The following EPC2 variants were observed in gnomAD, a reference collection of about 807,000 sequenced individuals.
The protein encoded by EPC2 is enhancer of polycomb 2, also known as enhancer of polycomb homolog 2.
Under a neutral mutation model 92.1 loss-of-function variants are expected in EPC2, and 14 were observed. The observed-to-expected ratio is 0.15, with a 90% CI of 0.10 to 0.24. EPC2 has a LOEUF of 0.24. Among genes scored for constraint, EPC2 ranks in the 10% least tolerant of loss-of-function variants. EPC2 has a pLI of 1.00. For missense variants in EPC2, 755 were observed against 971.5 expected (o/e 0.78, Z 2.96); for synonymous variants, 340 against 334.7 (o/e 1.02, Z -0.17).
At chr2:148,663,192 T>TATTA (rs1184254996) in intron 1 of EPC2, among the ~76,000 whole-genome samples, 3 of 129,810 alleles carry the variant, frequency 2.3e-5, no homozygotes, top group Non-Finnish European at 4.8e-5. Flanking sequence ...TACTGTGTTT[T>TATTA]TGTATTATTA....
chr2:148,671,420 C>G (rs1057243814), intron 1 of EPC2, among the ~76,000 whole-genome samples: 3 of 151,324 alleles, frequency 2.0e-5, no homozygotes, highest in Non-Finnish European at 4.4e-5. Context: ...TTGAGACTGG[C>G]CTGGCCAACA....
chr2:148,755,552 T>A (rs72864214), intron 4 of EPC2, among the ~76,000 whole-genome samples: 3 of 152,192 alleles, frequency 2.0e-5, no homozygotes, highest in African/African-American at 7.2e-5. Flanking sequence ...ACTGTACTTT[T>A]ACTGTACCTT....
chr2:148,701,000 A>G (rs2105377338), intron 2 of EPC2, among the ~76,000 whole-genome samples: 1 of 152,232 alleles, frequency 6.6e-6, no homozygotes, highest in Non-Finnish European at 1.5e-5. Flanking sequence ...TTAGATTGAT[A>G]CTTAAGTGTC....
At chr2:148,645,612 CTG>C (rs1375680167) in intron 1 of EPC2, 5 of 158,868 alleles carry the variant, frequency 3.1e-5, no homozygotes, top group African/African-American at 1.2e-4. Context: ...TTTGAAATGA[CTG>C]TGGAAGGGTG....
Position 148,771,127 on chromosome 2 carries a change from C to G in EPC2, c.1460C>G (p.Ser487Cys). ...DPEMLNSFSS[S>C]SQTIDFSSNF... ...GAAATGCTGAATAGTTTTTCAAGCT[C>G]TTCCCAAACTATAGACTTTTCTTCT... The change falls in exon 10 of 14, where the codon TCT becomes TGT. Residue 487 changes from serine to cysteine, a missense_variant. Transcript: ENST00000258484. 6.2e-7 allele frequency: 1 copy of G among 1,613,852 alleles called. No individual in the cohort carries two copies. Among genetic ancestry groups the G allele is most frequent in the Non-Finnish European group, 8.5e-7 (1 of 1,179,808 alleles).
At chr2:148,770,203 C>CTAATTTTTG (rs1279106619) in intron 8 of EPC2, among the ~76,000 whole-genome samples, 1 of 152,118 alleles carries the variant, frequency 6.6e-6, no homozygotes, top group African/African-American at 2.4e-5. Context: ...CTACATGCTG[C>CTAATTTTTG]TAATTTTTGT....
intron 2 of EPC2, among the ~76,000 whole-genome samples, chr2:148,723,026 G>A (rs1252102220): frequency 6.6e-6 from 1 of 152,100 alleles, no homozygotes; most frequent in Non-Finnish European, 1.5e-5. Flanking sequence ...CCTCCTTCAG[G>A]GTGGAGGATG....
At chr2:148,647,136 G>A (rs1229187652) in intron 1 of EPC2, among the ~76,000 whole-genome samples, 2 of 152,004 alleles carry the variant, frequency 1.3e-5, no homozygotes, top group Non-Finnish European at 2.9e-5. Flanking sequence ...AAGGAAATCT[G>A]TTCTAGAGTG....
chr2:148,721,887 TTTC>T (rs1682383015), intron 2 of EPC2, among the ~76,000 whole-genome samples: 1 of 78,310 alleles, frequency 1.3e-5, no homozygotes, highest in African/African-American at 4.2e-5. Context: ...TCTGTTTTGA[TTTC>T]TTTTTTTTTT....
intron 7 of EPC2, among the ~76,000 whole-genome samples, chr2:148,767,176 C>T (rs551315485): frequency 1.4e-4 from 20 of 139,620 alleles, no homozygotes; most frequent in Admixed American, 6.1e-4. Flanking sequence ...CCAGCCTGGG[C>T]GACAGAGCAA....
chr2:148,780,206 T>C (rs1182163733), intron 10 of EPC2, among the ~76,000 whole-genome samples: 1 of 152,174 alleles, frequency 6.6e-6, no homozygotes, highest in Non-Finnish European at 1.5e-5. Context: ...AGCACTGTAA[T>C]AGCCCCCAGT....
intron 7 of EPC2, among the ~76,000 whole-genome samples, chr2:148,766,985 A>G (rs769797758): frequency 6.6e-6 from 1 of 152,062 alleles, no homozygotes; most frequent in African/African-American, 2.4e-5. Flanking sequence ...GGACTTGGAG[A>G]CCAGCCTGGG....
chr2:148,771,490 A>G, intron 10 of EPC2, 103 bp downstream of exon 10: 2 of 1,101,826 alleles, frequency 1.8e-6, no homozygotes, highest in Non-Finnish European at 1.3e-6. Flanking sequence ...TTTCCAACCT[A>G]AGAAACAAAA....
chr2:148,771,596 G>A (rs1229859795), intron 10 of EPC2, among the ~76,000 whole-genome samples: 1 of 152,046 alleles, frequency 6.6e-6, no homozygotes, highest in Non-Finnish European at 1.5e-5. Flanking sequence ...TACGGTAAAT[G>A]TAGGCAGAAT....
chr2:148,747,192 T>C (rs1200606277), intron 3 of EPC2, among the ~76,000 whole-genome samples: 1 of 151,950 alleles, frequency 6.6e-6, no homozygotes, highest in Admixed American at 6.6e-5. Context: ...CTTTCACTGC[T>C]CTCCACTTAT....
At chr2:148,778,389 T>A (rs1683686431) in intron 10 of EPC2, among the ~76,000 whole-genome samples, 1 of 152,202 alleles carries the variant, frequency 6.6e-6, no homozygotes, top group African/African-American at 2.4e-5. Context: ...CTATAACTAT[T>A]ACCTCTTCCC....
intron 3 of EPC2, among the ~76,000 whole-genome samples, chr2:148,748,770 C>T (rs551060185): frequency 6.6e-6 from 1 of 152,048 alleles, no homozygotes; most frequent in African/African-American, 2.4e-5. Context: ...TGTCAAATAA[C>T]GTCAGGTGTG....
intron 2 of EPC2, among the ~76,000 whole-genome samples, chr2:148,739,701 T>C (rs547762746): frequency 4.0e-4 from 61 of 152,266 alleles, no homozygotes; most frequent in Admixed American, 1.1e-3. Context: ...CAGTGGTAGC[T>C]ACCTGATGGC....
chr2:148,669,773 G>C (rs1681119808), intron 1 of EPC2, among the ~76,000 whole-genome samples: 1 of 152,176 alleles, frequency 6.6e-6, no homozygotes, highest in South Asian at 2.1e-4. Flanking sequence ...TTGTTAGGGA[G>C]TCTGAAGCAC....
Sources: gnomAD v4.1 joint callset for allele counts (sites outside exome capture counted in the v4.1 genomes callset) on GRCh38, gnomAD v4.1.1 for gene constraint, MANE v1.5 for transcripts, NCBI Gene and HGNC (gene_info 2026-07-23, HGNC 2026-07-21) for gene names.